Variants in ATP10B observed in about 807,000 individuals in gnomAD.
The protein encoded by ATP10B is phospholipid-transporting ATPase VB.
Under a neutral mutation model 141.2 loss-of-function variants are expected in ATP10B, and 122 were observed. The observed-to-expected ratio is 0.86, with a 90% CI of 0.75 to 1.00. ATP10B has a LOEUF of 1.00. Among genes scored for constraint, ATP10B ranks in the 50% least tolerant of loss-of-function variants. The probability of loss-of-function intolerance (pLI) is 0.00; values close to 1 mark genes in which losing one functional copy is unlikely to be tolerated. For missense variants in ATP10B, 1,876 were observed against 1,825.3 expected, an observed-to-expected ratio of 1.03 and a Z score of -0.51; for synonymous variants, 685 against 692.0, an observed-to-expected ratio of 0.99 and a Z score of 0.16.
chr5:160,651,785 C>T (rs536993037), intron 7 of ATP10B, among the ~76,000 whole-genome samples: 2 of 152,240 alleles, frequency 1.3e-5, no homozygotes, highest in East Asian at 1.9e-4. Flanking sequence ...AATTACCCAT[C>T]CAGGAGTTTC....
intron 18 of ATP10B, among the ~76,000 whole-genome samples, chr5:160,609,200 T>G (rs182535423): frequency 6.6e-6 from 1 of 152,234 alleles, no homozygotes; most frequent in East Asian, 1.9e-4. Context: ...TTTATTGAAG[T>G]GCTAAAAGTT....
At chr5:160,755,468 T>C (rs1437138391) in intron 2 of ATP10B, among the ~76,000 whole-genome samples, 2 of 152,134 alleles carry the variant, frequency 1.3e-5, no homozygotes, top group South Asian at 2.1e-4. Context: ...GGCTATATTG[T>C]ATAATATAAA....
chr5:160,663,048 T>C (rs1221127076), intron 7 of ATP10B, among the ~76,000 whole-genome samples: 1 of 152,346 alleles, frequency 6.6e-6, no homozygotes, highest in Admixed American at 6.5e-5. Flanking sequence ...ATGCTCATCA[T>C]CAGTGGCCAT....
At chr5:160,585,535 G>A (rs562165981) in intron 24 of ATP10B, among the ~76,000 whole-genome samples, 46 of 152,338 alleles carry the variant, frequency 3.0e-4, no homozygotes, top group Admixed American at 3.9e-4. Flanking sequence ...CCCAGGAGGC[G>A]GAGGTGCAAT....
At chr5:160,764,299 G>A (rs1178566482) in intron 2 of ATP10B, among the ~76,000 whole-genome samples, 5 of 152,044 alleles carry the variant, frequency 3.3e-5, no homozygotes, top group African/African-American at 1.2e-4. Flanking sequence ...GAACATAGAC[G>A]CAAAAATCCT....
intron 1 of ATP10B, among the ~76,000 whole-genome samples, chr5:160,843,954 G>A (rs1561917200): frequency 1.3e-5 from 2 of 151,192 alleles, no homozygotes. Context: ...AATTTGTTTA[G>A]TATTATTTTC....
At chr5:160,666,677 C>T (rs991139237) in intron 7 of ATP10B, among the ~76,000 whole-genome samples, 1 of 152,124 alleles carries the variant, frequency 6.6e-6, no homozygotes, top group Non-Finnish European at 1.5e-5. Context: ...TAGCCAGAAG[C>T]GAGTTCTATC....
the ATP10B span, among the ~76,000 whole-genome samples, chr5:160,884,713 A>G: frequency 6.6e-6 from 1 of 152,200 alleles, no homozygotes; most frequent in Non-Finnish European, 1.5e-5. Flanking sequence ...TATTTTTAAA[A>G]AATTTAAGTG....
intron 2 of ATP10B, 106 bp downstream of exon 2, chr5:160,785,453 A>T: frequency 9.2e-6 from 3 of 324,610 alleles, no homozygotes; most frequent in Non-Finnish European, 1.2e-5. Flanking sequence ...TGTTTTTTTA[A>T]TTTAGACTCA....
intron 13 of ATP10B, among the ~76,000 whole-genome samples, chr5:160,627,324 T>C (rs1469412210): frequency 2.6e-5 from 4 of 152,204 alleles, no homozygotes; most frequent in Non-Finnish European, 4.4e-5. Flanking sequence ...CTTTTGCCCC[T>C]TCATTGAGCT....
rs77515615 is a variant in ATP10B at position 160,803,169 on chromosome 5, T to G, written c.-575-17366A>C. Among the ~76,000 whole-genome samples, 689 of 152,246 alleles carry G rather than the reference T, an allele frequency of 4.5e-3. 34 individuals are homozygous for G. The East Asian group carries it at 0.099, about 22-fold the overall frequency. ...AACTTTAGATCTCTAAACCTCAGTT[T>G]TTTTCCTTTTTGTTGAAGGAGGATG... On this transcript the variant is annotated intron_variant, in intron 1 of 25. Coordinates refer to ENST00000327245, the MANE Select transcript of ATP10B (RefSeq NM_025153.3).
chr5:160,658,852 G>A (rs1340481999), intron 7 of ATP10B, among the ~76,000 whole-genome samples: 1 of 152,172 alleles, frequency 6.6e-6, no homozygotes, highest in African/African-American at 2.4e-5. Flanking sequence ...ACATGAACCT[G>A]AGGTCCAACC....
At chr5:160,652,814 T>C (rs1581268658) in intron 7 of ATP10B, among the ~76,000 whole-genome samples, 1 of 95,736 alleles carries the variant, frequency 1.0e-5, no homozygotes, top group South Asian at 2.8e-4. Flanking sequence ...ATATAATATA[T>C]TATATATTAA....
At chr5:160,759,072 T>C (rs1768843159) in intron 2 of ATP10B, among the ~76,000 whole-genome samples, 1 of 152,034 alleles carries the variant, frequency 6.6e-6, no homozygotes, top group Non-Finnish European at 1.5e-5. Flanking sequence ...AAATATTATA[T>C]GATCATTAGA....
At chr5:160,645,297 T>G (rs1038470463) in intron 8 of ATP10B, among the ~76,000 whole-genome samples, 2 of 152,192 alleles carry the variant, frequency 1.3e-5, no homozygotes, top group Admixed American at 6.5e-5. Context: ...ATTCAGCTTC[T>G]GGGGACCTGA....
chr5:160,615,164 T>C (rs1757926590), intron 17 of ATP10B, among the ~76,000 whole-genome samples: 1 of 152,178 alleles, frequency 6.6e-6, no homozygotes, highest in African/African-American at 2.4e-5. Flanking sequence ...CTTTAGCAGC[T>C]GATTGACATG....
In ATP10B at chr5:160,667,530, A is replaced by G. The variant is rs551151438; in HGVS notation, c.675+2933T>C. On this transcript the variant is annotated intron_variant, in intron 7 of 25. Transcript: ENST00000327245. ...GGAGAATCAAGAACTGAGACAGAGT[A>G]GAGAACCCTGGAAAGCTTCAAGCTC... Among the ~76,000 whole-genome samples, 6 of 152,346 alleles carry G rather than the reference A, an allele frequency of 3.9e-5. 1 individual carries two copies. In the South Asian group the frequency reaches 1.2e-3, roughly 32 times the overall value.
chr5:160,846,586 A>G (rs1366390989), intron 1 of ATP10B, among the ~76,000 whole-genome samples: 1 of 151,394 alleles, frequency 6.6e-6, no homozygotes, highest in Non-Finnish European at 1.5e-5. Flanking sequence ...TAAAATCAAT[A>G]TTATGATTGC....
intron 1 of ATP10B, among the ~76,000 whole-genome samples, chr5:160,844,078 C>T (rs1046940356): frequency 3.9e-5 from 6 of 151,978 alleles, no homozygotes; most frequent in African/African-American, 1.5e-4. Flanking sequence ...TTGAGTAAAA[C>T]AACTGATACT....
Sources: gnomAD v4.1 joint callset for allele counts (sites outside exome capture counted in the v4.1 genomes callset) on GRCh38, gnomAD v4.1.1 for gene constraint, MANE v1.5 for transcripts, NCBI Gene and HGNC (gene_info 2026-07-23, HGNC 2026-07-21) for gene names.